Variants in ITPK1 observed in about 807,000 individuals in gnomAD.
ITPK1 encodes the protein inositol-tetrakisphosphate 1-kinase.
Under a neutral mutation model 45.3 loss-of-function variants are expected in ITPK1, and 21 were observed. The observed-to-expected ratio is 0.46, with a 90% CI of 0.33 to 0.67. The LOEUF (loss-of-function observed/expected upper bound fraction) is 0.67, where lower values mean the gene tolerates loss of function less well. Ranked by LOEUF, ITPK1 falls within the 30% of genes least tolerant of loss-of-function variation. The pLI, the probability that ITPK1 is intolerant of heterozygous loss-of-function variation, is 0.02. For synonymous variants in ITPK1, 258 were observed against 253.6 expected (o/e 1.02, Z -0.16); for missense variants, 474 against 573.5 (o/e 0.83, Z 1.77).
chr14:92,947,252 C>A (rs2139705000), intron 9 of ITPK1, among the ~76,000 whole-genome samples: 1 of 152,382 alleles, frequency 6.6e-6, no homozygotes, highest in East Asian at 1.9e-4. Flanking sequence ...TGCTCTGCTG[C>A]TCCTGCCTGC....
intron 2 of ITPK1, among the ~76,000 whole-genome samples, chr14:93,079,886 C>T (rs1891370403): frequency 6.6e-6 from 1 of 152,210 alleles, no homozygotes; most frequent in South Asian, 2.1e-4. Context: ...CCTGAAAACC[C>T]TGGCTCCATG....
At chr14:93,062,849 G>A (rs1890590019) in intron 3 of ITPK1, among the ~76,000 whole-genome samples, 2 of 152,218 alleles carry the variant, frequency 1.3e-5, no homozygotes, top group Admixed American at 1.3e-4. Context: ...TACTGGGTGG[G>A]CAGGGGTCCT....
At chr14:93,092,507 G>A (rs545303060) in intron 2 of ITPK1, among the ~76,000 whole-genome samples, 10 of 152,222 alleles carry the variant, frequency 6.6e-5, no homozygotes, top group Admixed American at 2.6e-4. Context: ...AACAGAGCTC[G>A]CCAGGTGGCA....
Position 93,016,589 on chromosome 14 carries a change from C to A in ITPK1, c.246+87G>T. On this transcript the variant is annotated intron_variant, in intron 4 of 10. Transcript: ENST00000267615. This position sits in a 1 kb window ranked among gnomAD's most constrained non-coding sequence, Gnocchi z 5.0. ...GACTATACCTCCAGAGAGCTGCTAC[C>A]GCCCTAAATACACACACGGCCATTC... 1 of 1,450,058 alleles carries A rather than the reference C, an allele frequency of 6.9e-7. No homozygotes were observed. Among genetic ancestry groups the A allele is most frequent in the South Asian group, 1.2e-5 (1 of 83,622 alleles). The allele number at this position is 1,450,058 out of a possible 1,614,324, so 89.8% of individuals were successfully genotyped here. A position where few individuals can be genotyped will look rare whatever the true frequency, so the allele number is the denominator to read the frequency against.
chr14:92,997,652 A>G (rs1223420076), intron 4 of ITPK1, among the ~76,000 whole-genome samples: 1 of 152,058 alleles, frequency 6.6e-6, no homozygotes, highest in African/African-American at 2.4e-5. Context: ...TTTTATCACC[A>G]CTCAGAGGAA....
At chr14:93,007,939 G>C (rs749982247) in intron 4 of ITPK1, among the ~76,000 whole-genome samples, 3 of 152,220 alleles carry the variant, frequency 2.0e-5, no homozygotes, top group African/African-American at 7.2e-5. Context: ...GAGCTGGCAC[G>C]ATATTTTGTG....
In ITPK1 at chr14:92,951,954, G is replaced by A. The variant is rs113683680; in HGVS notation, c.730C>T (p.Leu244=). 1.6e-4 allele frequency: 258 copies of A among 1,577,638 alleles called. 1 individual carries two copies. Among genetic ancestry groups the A allele is most frequent in the African/African-American group, 1.4e-3 (104 of 74,504 alleles). ...CCAGCAGAGGGACCCACCTCCGTCA[G>A]GACCGATGACGACTCCGGCTTTGAC... The part of the protein sequence containing the change: ...NVSKPESSSV[L]TELDKIEGVF... Residue 244 remains leucine (L), a synonymous_variant, in exon 9 of 11, where the codon CTG becomes TTG. Coordinates refer to ENST00000267615, the MANE Select transcript of ITPK1 (RefSeq NM_014216.6).
intron 5 of ITPK1, among the ~76,000 whole-genome samples, chr14:92,975,006 G>A (rs745619038): frequency 6.6e-6 from 1 of 152,248 alleles, no homozygotes; most frequent in South Asian, 2.1e-4. Flanking sequence ...CCCACCATGA[G>A]GAGAGGGTAG....
chr14:92,985,936 T>G lies in ITPK1; in HGVS notation c.364+7944A>C, dbSNP rs571144494. 3.3e-5 allele frequency among the ~76,000 whole-genome samples: 5 copies of G among 152,242 alleles called. No individual in the cohort carries two copies. In the East Asian group the frequency reaches 9.6e-4, roughly 29 times the overall value. ...ATAGGAAAGCTGGGGCTCAATGCAG[T>G]TAAATAACCTGCCTAAATGCACACA... On this transcript the variant is annotated intron_variant, in intron 5 of 10. Transcript: ENST00000267615.
rs374276443 is a variant in ITPK1, at chr14:92,946,529, G to A, written c.739-36C>T. On this transcript the variant is annotated intron_variant, in intron 9 of 10. Coordinates refer to ENST00000267615, the MANE Select transcript of ITPK1 (RefSeq NM_014216.6). ...ACACAAGGAAGTCAGGCCATGGGCC[G>A]AGGAGCTGCGAAGCCACACCACACA... is the stretch of plus-strand genomic sequence containing the variant. 3.5e-5 allele frequency: 56 copies of A among 1,600,232 alleles called. No homozygotes were observed. The East Asian group carries it at 4.5e-4, about 13-fold the overall frequency.
At chr14:93,023,904 A>G (rs554706638) in intron 3 of ITPK1, among the ~76,000 whole-genome samples, 1 of 152,260 alleles carries the variant, frequency 6.6e-6, no homozygotes, top group South Asian at 2.1e-4. Context: ...CATCTTGGCC[A>G]AGGGGCTGCT....
chr14:93,054,152 T>C (rs1378504659), intron 3 of ITPK1, among the ~76,000 whole-genome samples: 2 of 152,106 alleles, frequency 1.3e-5, no homozygotes, highest in African/African-American at 4.8e-5. Flanking sequence ...CACTTAGAGG[T>C]AGAGTCCCCA....
At chr14:93,081,687 C>T (rs988764346) in intron 2 of ITPK1, among the ~76,000 whole-genome samples, 2 of 152,212 alleles carry the variant, frequency 1.3e-5, no homozygotes, top group Non-Finnish European at 2.9e-5. Context: ...AACTACAGAC[C>T]GGTGCTGAGA....
rs1010954035 is a variant in ITPK1 at position 92,959,009 on chromosome 14, A to G, written c.505-643T>C. On this transcript the variant is annotated intron_variant, in intron 7 of 10. Transcript: ENST00000267615. The stretch of plus-strand genomic sequence containing the variant: ...GCCCGGGATGGAACTGGGTCTGCAC[A>G]GCACCCAGCCGCGCCCCTACACACG... Among the ~76,000 whole-genome samples, 4 of 152,190 alleles carry G rather than the reference A, an allele frequency of 2.6e-5. 1 individual carries two copies. The highest frequency in any genetic ancestry group is 2.6e-4 in the Admixed American group (4 of 15,288).
chr14:92,973,438 G>A lies in ITPK1; in HGVS notation c.365-10589C>T, dbSNP rs1885758514. Among the ~76,000 whole-genome samples the A allele has an allele frequency of 3.9e-5, 6 of 152,394 alleles. No homozygotes were observed. In the South Asian group the frequency reaches 1.2e-3, roughly 32 times the overall value. ...CCTGTGGCGCTGTGGGTCTGGAACA[G>A]CCTTGAAGATGGCTGTGGCAGGACT... is the stretch of plus-strand genomic sequence containing the variant. On this transcript the variant is annotated intron_variant, in intron 5 of 10. Coordinates refer to ENST00000267615, the MANE Select transcript of ITPK1 (RefSeq NM_014216.6).
At chr14:93,008,963 C>G (rs77346827) in intron 4 of ITPK1, among the ~76,000 whole-genome samples, 211 of 152,314 alleles carry the variant, frequency 1.4e-3, no homozygotes, top group African/African-American at 4.9e-3. Context: ...ACTGGCCCAC[C>G]TGAGCTCTCA....
intron 3 of ITPK1, among the ~76,000 whole-genome samples, chr14:93,037,183 C>A (rs1889361643): frequency 6.6e-6 from 1 of 152,214 alleles, no homozygotes; most frequent in African/African-American, 2.4e-5. Context: ...TCCCTGCCAA[C>A]CCTCTGACCC....
intron 3 of ITPK1, among the ~76,000 whole-genome samples, chr14:93,057,982 G>A (rs1017757509): frequency 2.0e-5 from 3 of 152,178 alleles, no homozygotes; most frequent in East Asian, 1.9e-4. Flanking sequence ...TCCCTGGCCC[G>A]ATCTTCCCAG....
intron 10 of ITPK1, among the ~76,000 whole-genome samples, chr14:92,943,266 A>G (rs886898053): frequency 6.6e-6 from 1 of 152,232 alleles, no homozygotes; most frequent in African/African-American, 2.4e-5. Flanking sequence ...TGGCGTTCAC[A>G]GCACTCGGGA....
Sources: allele counts gnomAD v4.1 joint callset (sites outside exome capture counted in the v4.1 genomes callset), GRCh38; gene constraint gnomAD v4.1.1; non-coding constraint Gnocchi (gnomAD v3.1); transcripts MANE v1.5; gene names NCBI Gene and HGNC (gene_info 2026-07-23, HGNC 2026-07-21).